UXS1: variants seen among roughly 807,000 people sequenced by gnomAD.
UXS1 encodes UDP-glucuronic acid decarboxylase 1.
A neutral mutation model predicts 62.6 loss-of-function variants in UXS1; 33 were observed. The ratio of observed to expected loss-of-function variants is 0.53; its 90% CI spans 0.40 to 0.70. The LOEUF is 0.70. Among genes scored for constraint, UXS1 ranks in the 30% least tolerant of loss-of-function variants. The probability of loss-of-function intolerance (pLI) is 0.00; values close to 1 mark genes in which losing one functional copy is unlikely to be tolerated. For synonymous variants in UXS1, 213 were observed against 206.8 expected, an observed-to-expected ratio of 1.03 and a Z score of -0.26; for missense variants, 434 against 556.3, an observed-to-expected ratio of 0.78 and a Z score of 2.21.
At chr2:106,117,547 A>G (rs977166760) in intron 9 of UXS1, among the ~76,000 whole-genome samples, 1 of 152,204 alleles carries the variant, frequency 6.6e-6, no homozygotes, top group African/African-American at 2.4e-5. Context: ...CGTGATCACT[A>G]TATTCGCTGA....
At chr2:106,095,119 A>G (rs1404084500) in intron 14 of UXS1, among the ~76,000 whole-genome samples, 1 of 152,246 alleles carries the variant, frequency 6.6e-6, no homozygotes, top group Non-Finnish European at 1.5e-5. Flanking sequence ...TTATAGGTCT[A>G]AATTCCAGAA....
Position 106,194,175 on chromosome 2 carries a change from C to G in UXS1, c.67G>C (p.Gly23Arg). ...GCGACGTAGGCCAGCAAGGCGATGC[C>G]CAGCAGCAGCTTCATCCTCCTGCGG... is the stretch of plus-strand genomic sequence containing the variant. ...VNRRRMKLLL[G>R]IALLAYVASV... Residue 23 changes from glycine (G) to arginine (R), a missense_variant, in exon 1 of 15, where the codon GGC becomes CGC. Gly to Arg is a moderately radical substitution (Grantham distance 125). This residue lies in a region of UXS1 where 91 missense variants were observed against 71.1 expected (regional missense o/e 1.28). Transcript: ENST00000283148. The G allele has an allele frequency of 6.7e-7, 1 of 1,486,258 alleles. No homozygotes were observed. Among genetic ancestry groups the G allele is most frequent in the Non-Finnish European group, 9.0e-7 (1 of 1,116,726 alleles). The allele number at this position is 1,486,258 out of a possible 1,614,324, so 92.1% of individuals were successfully genotyped here. A position where few individuals can be genotyped will look rare whatever the true frequency, so the allele number is the denominator to read the frequency against.
intron 5 of UXS1, among the ~76,000 whole-genome samples, chr2:106,146,183 T>C (rs191020770): frequency 1.7e-4 from 26 of 152,360 alleles, no homozygotes; most frequent in East Asian, 5.8e-4. Context: ...GGGAAGGTTA[T>C]AGGCGGTGGG....
chr2:106,145,359 G>A lies in UXS1; in HGVS notation c.303C>T (p.Gly101=), dbSNP rs768541482. ...KDRKRILITG[G]AGFVGSHLTD... is the part of the protein sequence containing the mutation. Reference sequence around the variant, plus strand: ...TTAGATGGGAGCCCACGAACCCTGCGCCTCCTGTTATCTGCATCCGGACAG... The same window carrying A: ...TTAGATGGGAGCCCACGAACCCTGCACCTCCTGTTATCTGCATCCGGACAG... The change falls in exon 6 of 15, where the codon GGC becomes GGT. Residue 101 remains glycine (G), a synonymous_variant. Transcript: ENST00000283148. 2.2e-5 allele frequency: 35 copies of A among 1,612,922 alleles called. No homozygotes were observed. In the Admixed American group the frequency reaches 3.7e-4, roughly 17 times the overall value.
chr2:106,120,678 A>G (rs926463090), intron 9 of UXS1, among the ~76,000 whole-genome samples: 7 of 152,226 alleles, frequency 4.6e-5, no homozygotes, highest in African/African-American at 1.7e-4. Flanking sequence ...CAAGCCTCCC[A>G]GTGTGACGGA....
At chr2:106,098,948 C>T (rs184677406) in intron 12 of UXS1, among the ~76,000 whole-genome samples, 175 bp from the exon 13 acceptor site, 2 of 152,320 alleles carry the variant, frequency 1.3e-5, no homozygotes, top group East Asian at 3.9e-4. Context: ...AGTTACTCAC[C>T]TGGCAGTGCT....
chr2:106,179,247 C>T (rs1006667411), intron 1 of UXS1, among the ~76,000 whole-genome samples: 10 of 151,994 alleles, frequency 6.6e-5, no homozygotes, highest in African/African-American at 2.2e-4. Context: ...GTCTCCCCCA[C>T]CCCACCCTGA....
chr2:106,138,265 T>C (rs1377854686), intron 6 of UXS1: 10 of 985,390 alleles, frequency 1.0e-5, no homozygotes, highest in Non-Finnish European at 1.2e-5. Context: ...CTTCTCACCA[T>C]CCTTGGTCAG....
chr2:106,174,498 A>T (rs969067389), intron 1 of UXS1, among the ~76,000 whole-genome samples: 1 of 152,190 alleles, frequency 6.6e-6, no homozygotes, highest in Non-Finnish European at 1.5e-5. Context: ...ATGGTCTGAG[A>T]TAAGTACATG....
intron 12 of UXS1, chr2:106,100,792 A>G (rs1677526032): frequency 6.8e-6 from 3 of 440,992 alleles, no homozygotes; most frequent in Admixed American, 8.0e-5. Context: ...TACTACCACC[A>G]AAAGGCTTCA....
At chr2:106,107,240 T>C (rs994622110) in intron 10 of UXS1, among the ~76,000 whole-genome samples, 1 of 152,196 alleles carries the variant, frequency 6.6e-6, no homozygotes, top group Admixed American at 6.5e-5. Context: ...ACTGTGATGG[T>C]GGGCTCACCA....
chr2:106,165,432 G>A (rs985569695), intron 2 of UXS1, among the ~76,000 whole-genome samples: 1 of 152,188 alleles, frequency 6.6e-6, no homozygotes, highest in Non-Finnish European at 1.5e-5. Context: ...ACCAAGTGGA[G>A]CAAATTTTCC....
rs193274061 is a variant in UXS1, at chr2:106,139,971, C to T, written c.472+5219G>A. On this transcript the variant is annotated intron_variant, in intron 6 of 14. Coordinates refer to ENST00000283148, the MANE Select transcript of UXS1 (RefSeq NM_001253875.2). ...ATACTCCCCAACGAGATGTCCCTCT[C>T]TGCAATGTGAAGTCTCACAGCATGG... 6.6e-5 allele frequency among the ~76,000 whole-genome samples: 10 copies of T among 152,346 alleles called. No homozygotes were observed. In the East Asian group the frequency reaches 9.6e-4, roughly 15 times the overall value.
chr2:106,118,924 GAATT>G (rs1289795815), intron 9 of UXS1, among the ~76,000 whole-genome samples: 4 of 152,232 alleles, frequency 2.6e-5, no homozygotes, highest in African/African-American at 7.2e-5. Context: ...TATGTATAAG[GAATT>G]AATTAAAGTT....
rs375119388 is a variant in UXS1, at chr2:106,191,475, T to TG, written c.94+2672dup. On this transcript the variant is annotated intron_variant, in intron 1 of 14. Transcript: ENST00000283148. ...CCCTGTAACATTTTTCCCTGCAGAG[T>TG]GGCTCAGACTTAGCATACCTGCTCC... Among the ~76,000 whole-genome samples, 4 of 152,306 alleles carry TG rather than the reference T, an allele frequency of 2.6e-5. No individual in the cohort carries two copies. The East Asian group carries it at 7.7e-4, about 29-fold the overall frequency.
At chr2:106,145,538 G>T in intron 5 of UXS1, 168 bp from the exon 6 acceptor site, 1 of 735,962 alleles carries the variant, frequency 1.4e-6, no homozygotes, top group Non-Finnish European at 2.1e-6. Context: ...GACTCTTACT[G>T]CAGAACAAAG....
chr2:106,102,693 G>GT (rs761309517), intron 11 of UXS1: 1 of 152,226 alleles, frequency 6.6e-6, no homozygotes, highest in East Asian at 1.9e-4. Flanking sequence ...TTGGGGAATG[G>GT]TTAATTTAGT....
At chr2:106,104,000 CCCCTG>C (rs1677828746) in intron 11 of UXS1, among the ~76,000 whole-genome samples, 1 of 152,172 alleles carries the variant, frequency 6.6e-6, no homozygotes, top group South Asian at 2.1e-4. Flanking sequence ...CACCCTAGTG[CCCCTG>C]GGATGGCCCT....
In UXS1 at chr2:106,093,939, GTCTT is replaced by G. The variant is rs970445342; in HGVS notation, c.*83_*86del. 6.9e-7 allele frequency: 1 copy of G among 1,455,326 alleles called. No homozygotes were observed. The highest frequency in any genetic ancestry group is 1.5e-5 in the African/African-American group (1 of 68,616). 90.2% of individuals were successfully genotyped at this position (1,455,326 alleles called of 1,614,324 possible). A position where few individuals can be genotyped will look rare whatever the true frequency, so the allele number is the denominator to read the frequency against. On this transcript the variant is annotated 3_prime_UTR_variant, in exon 15 of 15. Transcript: ENST00000283148. ...TTTGTTCTTCATGACACCTGTTAAA[GTCTT>G]TCTTTAAACGACAACAAAAAAAAGC...
Sources: allele counts gnomAD v4.1 joint callset (sites outside exome capture counted in the v4.1 genomes callset), GRCh38; gene constraint gnomAD v4.1.1; regional missense constraint gnomAD v4.1.1; transcripts MANE v1.5; gene names NCBI Gene and HGNC (gene_info 2026-07-23, HGNC 2026-07-21).